The following ZNF560 variants were observed in gnomAD, a reference collection of about 807,000 sequenced individuals.
The protein encoded by ZNF560 is zinc finger protein 560.
ZNF560 carries 54 observed loss-of-function variants against 81.8 expected under a neutral mutation model. That is an observed-to-expected ratio of 0.66 (90% CI 0.53 to 0.83). The LOEUF is 0.83. Ranked by LOEUF, ZNF560 falls within the 40% of genes least tolerant of loss-of-function variation. The probability of loss-of-function intolerance (pLI) is 0.00; values close to 1 mark genes in which losing one functional copy is unlikely to be tolerated. For synonymous variants in ZNF560, 321 were observed against 317.9 expected, an observed-to-expected ratio of 1.01 and a Z score of -0.10; for missense variants, 940 against 932.4, an observed-to-expected ratio of 1.01 and a Z score of -0.11.
At chr19:9,500,420 C>G (rs1323606888), upstream of ZNF560, among the ~76,000 whole-genome samples, 7 of 145,596 alleles carry the variant, frequency 4.8e-5, no homozygotes, top group Admixed American at 4.8e-4. Flanking sequence ...AAAAGAATTT[C>G]CTGTAGAATG....
chr19:9,483,946 A>ATTCTACT (rs1417904328), intron 2 of ZNF560, among the ~76,000 whole-genome samples: 2 of 152,188 alleles, frequency 1.3e-5, no homozygotes, highest in Non-Finnish European at 2.9e-5. Context: ...GTTCTGTAGT[A>ATTCTACT]AGAAAAATTC....
At chr19:9,482,237 A>G (rs1045971053) in intron 2 of ZNF560, among the ~76,000 whole-genome samples, 4 of 151,998 alleles carry the variant, frequency 2.6e-5, no homozygotes, top group African/African-American at 9.7e-5. Flanking sequence ...GAACACTTGG[A>G]CACAGGGTGG....
chr19:9,449,751 C>A, the ZNF560 span, among the ~76,000 whole-genome samples: 2 of 151,640 alleles, frequency 1.3e-5, no homozygotes, highest in Non-Finnish European at 2.9e-5. Flanking sequence ...GGTGGATCAC[C>A]TGAGGTGAGG....
At chr19:9,452,196 C>T in the ZNF560 span, among the ~76,000 whole-genome samples, 1 of 151,974 alleles carries the variant, frequency 6.6e-6, no homozygotes, top group Non-Finnish European at 1.5e-5. Flanking sequence ...TAGAGAAATG[C>T]AAATCAAAAC....
intron 3 of ZNF560, among the ~76,000 whole-genome samples, 175 bp from the exon 4 acceptor site, chr19:9,474,500 TC>T (rs913962819): frequency 3.3e-5 from 5 of 152,308 alleles, no homozygotes; most frequent in Admixed American, 6.5e-5. Context: ...CCTTGCTCTT[TC>T]ACTACTTAAC....
intron 2 of ZNF560, among the ~76,000 whole-genome samples, chr19:9,482,388 C>T (rs953215075): frequency 3.7e-4 from 52 of 142,316 alleles, no homozygotes; most frequent in Non-Finnish European, 2.7e-4. Flanking sequence ...CAAACCTGCA[C>T]ATTGTACGCA....
the ZNF560 span, among the ~76,000 whole-genome samples, chr19:9,505,188 G>T: frequency 6.6e-6 from 1 of 152,182 alleles, no homozygotes; most frequent in Non-Finnish European, 1.5e-5. Context: ...AGCATCCCAA[G>T]TTGCTAGAAT....
chr19:9,460,196 C>G, the ZNF560 span, among the ~76,000 whole-genome samples: 61 of 152,242 alleles, frequency 4.0e-4, no homozygotes, highest in African/African-American at 1.4e-3. Flanking sequence ...CCACTGGTGG[C>G]AGCATTGTCC....
chr19:9,503,822 G>A, the ZNF560 span, among the ~76,000 whole-genome samples: 1 of 152,154 alleles, frequency 6.6e-6, no homozygotes, highest in South Asian at 2.1e-4. Context: ...ACAGGCATGA[G>A]TCATTGTGCC....
chr19:9,459,590 A>C, the ZNF560 span, among the ~76,000 whole-genome samples: 1 of 152,178 alleles, frequency 6.6e-6, no homozygotes, highest in Non-Finnish European at 1.5e-5. Context: ...CCAGGGGGCC[A>C]ACACTAGTAT....
At chr19:9,502,205 C>CGGTTT (rs202091939), upstream of ZNF560, among the ~76,000 whole-genome samples, 15,257 of 151,456 alleles carry the variant, frequency 0.1, 885 homozygotes, top group South Asian at 0.2. Context: ...TGTTTTGTTT[C>CGGTTT]GGTTTGGTTT....
chr19:9,478,052 A>C (rs562256710), intron 2 of ZNF560, among the ~76,000 whole-genome samples: 3 of 152,286 alleles, frequency 2.0e-5, no homozygotes, highest in Admixed American at 2.0e-4. Context: ...AAACATCTCC[A>C]ATCACATTCA....
At chr19:9,456,096 C>T in the ZNF560 span, among the ~76,000 whole-genome samples, 2 of 152,224 alleles carry the variant, frequency 1.3e-5, no homozygotes, top group Non-Finnish European at 2.9e-5. Context: ...TCCTGAGCCA[C>T]ATTCCAAACC....
intron 2 of ZNF560, among the ~76,000 whole-genome samples, chr19:9,480,247 A>C (rs1008438731): frequency 1.3e-5 from 2 of 152,208 alleles, no homozygotes; most frequent in Non-Finnish European, 2.9e-5. Flanking sequence ...AACAACAACA[A>C]AGCAAGTCTT....
intron 2 of ZNF560, among the ~76,000 whole-genome samples, chr19:9,477,296 G>A (rs1217024240): frequency 1.3e-5 from 2 of 151,946 alleles, no homozygotes; most frequent in African/African-American, 2.4e-5. Flanking sequence ...AAACACAAAT[G>A]ACTCTTCTAA....
At chr19:9,480,811 C>A (rs952805862) in intron 2 of ZNF560, among the ~76,000 whole-genome samples, 13 of 152,020 alleles carry the variant, frequency 8.6e-5, no homozygotes, top group Admixed American at 7.9e-4. Flanking sequence ...TGGGACTGGG[C>A]ATGGTGGCTC....
In ZNF560 at chr19:9,466,514, G is replaced by T; in HGVS notation, c.*60C>A. 3.4e-6 allele frequency: 5 copies of T among 1,471,362 alleles called. No individual in the cohort carries two copies. The highest frequency in any genetic ancestry group is 3.7e-6 in the Non-Finnish European group (4 of 1,091,508). 91.1% of individuals were successfully genotyped at this position (1,471,362 alleles called of 1,614,324 possible). ...TCTCCTGTGAATTTTTACATGTTCA[G>T]TTAGGCTTGAGGAAACAGCAAAGGT... On this transcript the variant is annotated 3_prime_UTR_variant, in exon 10 of 10. Coordinates refer to ENST00000301480, the MANE Select transcript of ZNF560 (RefSeq NM_152476.3).
chr19:9,499,485 C>A (rs2073613695), upstream of ZNF560, among the ~76,000 whole-genome samples: 2 of 152,234 alleles, frequency 1.3e-5, no homozygotes, highest in African/African-American at 4.8e-5. Context: ...AGCCATCATG[C>A]ACCATGCCTG....
At chr19:9,477,006 G>A (rs946152351) in intron 2 of ZNF560, among the ~76,000 whole-genome samples, 1 of 152,034 alleles carries the variant, frequency 6.6e-6, no homozygotes, top group South Asian at 2.1e-4. Context: ...CTGGACTCAT[G>A]TAGACATCAA....
Sources: gnomAD v4.1 joint callset for allele counts (sites outside exome capture counted in the v4.1 genomes callset) on GRCh38, gnomAD v4.1.1 for gene constraint, MANE v1.5 for transcripts, NCBI Gene and HGNC (gene_info 2026-07-23, HGNC 2026-07-21) for gene names.